CRACD: variants seen among roughly 807,000 people sequenced by gnomAD.
CRACD encodes capping protein inhibiting regulator of actin dynamics, also known as capping protein-inhibiting regulator of actin dynamics.
In CRACD, 56 loss-of-function variants were observed where a neutral mutation model predicts 106.8. The observed-to-expected ratio is 0.52, with a 90% confidence interval of 0.42 to 0.66. The LOEUF is 0.66. Ranked by LOEUF, CRACD falls within the 30% of genes least tolerant of loss-of-function variation. The pLI is 0.00. For synonymous variants in CRACD, 754 were observed against 670.8 expected, an observed-to-expected ratio of 1.12 and a Z score of -1.92; for missense variants, 1,730 against 1,623.2, an observed-to-expected ratio of 1.07 and a Z score of -1.13.
intron 1 of CRACD, among the ~76,000 whole-genome samples, chr4:56,129,500 C>T (rs138226855): frequency 2.6e-5 from 4 of 152,316 alleles, no homozygotes; most frequent in Admixed American, 2.6e-4. Flanking sequence ...AATGACTTTA[C>T]AGATTCAGGC....
At chr4:56,224,048 G>T (rs1351213) in intron 2 of CRACD, among the ~76,000 whole-genome samples, 96,493 of 152,144 alleles carry the variant, frequency 0.63, 31,614 homozygotes, top group African/African-American at 0.79. Context: ...TGCACCACCA[G>T]GCCTGGCCTG....
intron 2 of CRACD, among the ~76,000 whole-genome samples, chr4:56,180,689 A>G (rs1256324221): frequency 1.3e-5 from 2 of 152,186 alleles, no homozygotes; most frequent in African/African-American, 4.8e-5. Context: ...CCTGTTAATA[A>G]AAACTACTCA....
rs188597410 is a variant in CRACD at position 56,184,084 on chromosome 4, C to G, written c.-189+4654C>G. On this transcript the variant is annotated intron_variant, in intron 2 of 10. Transcript: ENST00000682029. ...CTGTTAACATTTCTTTCTTTTTTTT[C>G]CCCCAAGACAGAGTCTTGATCTGTC... Among the ~76,000 whole-genome samples, 4 of 151,936 alleles carry G rather than the reference C, an allele frequency of 2.6e-5. No individual in the cohort carries two copies. In the East Asian group the frequency reaches 5.8e-4, roughly 22 times the overall value.
At chr4:56,186,408 T>C (rs549389092) in intron 2 of CRACD, among the ~76,000 whole-genome samples, 10 of 152,302 alleles carry the variant, frequency 6.6e-5, no homozygotes, top group African/African-American at 2.4e-4. Flanking sequence ...TGTTGTATAC[T>C]GTACTATATG....
chr4:56,259,348 C>T (rs185297065), intron 2 of CRACD, among the ~76,000 whole-genome samples: 15 of 152,132 alleles, frequency 9.9e-5, no homozygotes, highest in East Asian at 5.8e-4. Context: ...TGTAAATTGA[C>T]GGTTGTCTCT....
intron 1 of CRACD, among the ~76,000 whole-genome samples, chr4:56,109,831 A>G (rs1734061693): frequency 6.6e-6 from 1 of 152,142 alleles, no homozygotes; most frequent in Non-Finnish European, 1.5e-5. Context: ...AAGGGAAAAT[A>G]TAAGAAAATT....
intron 1 of CRACD, among the ~76,000 whole-genome samples, chr4:56,121,923 G>A (rs1734498019): frequency 6.6e-6 from 1 of 152,186 alleles, no homozygotes; most frequent in South Asian, 2.1e-4. Context: ...GTTTTTTGGG[G>A]GAGGAATATT....
chr4:56,138,793 C>T (rs10866432), intron 1 of CRACD, among the ~76,000 whole-genome samples: 39,568 of 152,056 alleles, frequency 0.26, 5,436 homozygotes, highest in East Asian at 0.45. Context: ...CTTCTAGTTT[C>T]AAACCTTTTG....
chr4:56,161,864 A>G (rs903087286), intron 1 of CRACD, among the ~76,000 whole-genome samples: 2 of 151,618 alleles, frequency 1.3e-5, no homozygotes, highest in Non-Finnish European at 2.9e-5. Context: ...CCTGGGTTTA[A>G]GTGATTCTCC....
At chr4:56,161,764 A>G (rs10025179) in intron 1 of CRACD, among the ~76,000 whole-genome samples, 81,218 of 146,964 alleles carry the variant, frequency 0.55, 23,543 homozygotes, top group African/African-American at 0.76. Flanking sequence ...CTAGCCAAAG[A>G]GCATTTTTTT....
intron 1 of CRACD, among the ~76,000 whole-genome samples, chr4:56,124,161 C>T (rs1577678292): frequency 6.6e-6 from 1 of 152,082 alleles, no homozygotes; most frequent in Admixed American, 6.6e-5. Context: ...TAGTCTTGAA[C>T]TCCTGACCTC....
In CRACD at chr4:56,329,094, A is replaced by G. The variant is rs1251592421; in HGVS notation, c.*1290A>G. ...CTGAGTTTTAAGTGGCCTTTTTATC[A>G]TCATACACATGTGCATACAAAGAAG... On this transcript the variant is annotated 3_prime_UTR_variant, in exon 11 of 11. Transcript: ENST00000682029. 6.6e-6 allele frequency among the ~76,000 whole-genome samples: 1 copy of G among 152,230 alleles called. No individual in the cohort carries two copies. Among genetic ancestry groups the G allele is most frequent in the Admixed American group, 6.5e-5 (1 of 15,274 alleles).
chr4:56,176,759 A>G (rs1439038686), intron 1 of CRACD, among the ~76,000 whole-genome samples: 1 of 152,056 alleles, frequency 6.6e-6, no homozygotes, highest in Non-Finnish European at 1.5e-5. Flanking sequence ...GGTGTTTTAT[A>G]GTTTTCATTG....
intron 3 of CRACD, among the ~76,000 whole-genome samples, chr4:56,291,685 C>G (rs927952214): frequency 6.6e-6 from 1 of 152,132 alleles, no homozygotes; most frequent in African/African-American, 2.4e-5. Flanking sequence ...ACTGACATAC[C>G]TGCCCCCATT....
At chr4:56,213,512 A>G (rs1738514836) in intron 2 of CRACD, among the ~76,000 whole-genome samples, 1 of 152,122 alleles carries the variant, frequency 6.6e-6, no homozygotes, top group Admixed American at 6.6e-5. Flanking sequence ...ATCTGGGATC[A>G]CCTCCACTTC....
At chr4:56,275,433 C>T (rs938603260) in intron 3 of CRACD, among the ~76,000 whole-genome samples, 2 of 151,922 alleles carry the variant, frequency 1.3e-5, no homozygotes. Flanking sequence ...CTACTGCACT[C>T]TAGCCTGGAC....
At chr4:56,127,522 CCTT>C (rs1271095894) in intron 1 of CRACD, among the ~76,000 whole-genome samples, 8 of 152,070 alleles carry the variant, frequency 5.3e-5, no homozygotes, top group African/African-American at 1.9e-4. Flanking sequence ...TCCTAGAATT[CCTT>C]CTTCTCTCTT....
At chr4:56,189,909 G>A (rs1321765379) in intron 2 of CRACD, among the ~76,000 whole-genome samples, 16 of 148,432 alleles carry the variant, frequency 1.1e-4, no homozygotes, top group African/African-American at 2.0e-4. Flanking sequence ...ATGCTGGTGC[G>A]CTGCACCCAC....
At chr4:56,100,618 T>G (rs984422725) in intron 1 of CRACD, among the ~76,000 whole-genome samples, 1 of 152,176 alleles carries the variant, frequency 6.6e-6, no homozygotes, top group East Asian at 1.9e-4. Flanking sequence ...ACAGAGGTAA[T>G]TAAGTGAAAG....
Sources: allele counts gnomAD v4.1 joint callset (sites outside exome capture counted in the v4.1 genomes callset), GRCh38; gene constraint gnomAD v4.1.1; transcripts MANE v1.5; gene names NCBI Gene and HGNC (gene_info 2026-07-23, HGNC 2026-07-21).